Variants in IQCF1 observed in about 807,000 individuals in gnomAD.
IQCF1 encodes IQ domain-containing protein F1.
In IQCF1, 9 loss-of-function variants were observed where a neutral mutation model predicts 12.5. The ratio of observed to expected loss-of-function variants is 0.72; its 90% CI spans 0.43 to 1.26. IQCF1 has a LOEUF of 1.26. Ranked by LOEUF, IQCF1 falls within the 50% of genes most tolerant of loss-of-function variation. The pLI is 0.00. For missense variants in IQCF1, 252 were observed against 257.4 expected, an observed-to-expected ratio of 0.98 and a Z score of 0.14; for synonymous variants, 67 against 96.2, an observed-to-expected ratio of 0.70 and a Z score of 1.78.
chr3:51,898,772 C>G (rs1699042845), intron 2 of IQCF1, among the ~76,000 whole-genome samples: 1 of 152,190 alleles, frequency 6.6e-6, no homozygotes, highest in Non-Finnish European at 1.5e-5. Context: ...ATACAAAGGT[C>G]CAACCAGACC....
intron 2 of IQCF1, among the ~76,000 whole-genome samples, chr3:51,902,110 G>C (rs1699081447): frequency 6.6e-6 from 1 of 152,166 alleles, no homozygotes; most frequent in African/African-American, 2.4e-5. Flanking sequence ...TTCAGTAAAT[G>C]GAAAAGAATT....
At position 51,895,538 on chromosome 3, in the gene IQCF1, A is replaced by G. The variant is rs140052174; in HGVS notation, c.172-202T>C. Among the ~76,000 whole-genome samples the G allele has an allele frequency of 5.1e-4, 77 of 152,272 alleles. No individual in the cohort carries two copies. The highest frequency in any genetic ancestry group is 1.8e-3 in the African/African-American group (74 of 41,566). ...TCCTCTGGTTGATAGCCACAAGCAC[A>G]ACAACTTGCCCCTGGGTCTCAGTGT... is the stretch of plus-strand genomic sequence containing the variant. On this transcript the variant is annotated intron_variant, in intron 3 of 3. Coordinates refer to ENST00000310914, the MANE Select transcript of IQCF1 (RefSeq NM_152397.3). This position sits in a 1 kb window ranked among gnomAD's most constrained non-coding sequence, Gnocchi z 4.8.
Position 51,895,460 on chromosome 3 carries a change from G to T in IQCF1, c.172-124C>A. 2.4e-6 allele frequency: 2 copies of T among 838,042 alleles called. No individual in the cohort carries two copies. Among genetic ancestry groups the T allele is most frequent in the Non-Finnish European group, 3.6e-6 (2 of 548,948 alleles). 51.9% of individuals were successfully genotyped at this position (838,042 alleles called of 1,614,324 possible). On this transcript the variant is annotated intron_variant, in intron 3 of 3. Transcript: ENST00000310914. The surrounding 1 kb of genome is among the most constrained non-coding windows in gnomAD (Gnocchi z 4.8). ...TCTTTTTCTGGAATTCAGGAGCACT[G>T]GGCAGGGCACTGGCTGGAACCAGAA...
Position 51,902,973 on chromosome 3 carries a change from G to T in IQCF1, c.108+12C>A. On this transcript the variant is annotated intron_variant, in intron 2 of 3. Coordinates refer to ENST00000310914, the MANE Select transcript of IQCF1 (RefSeq NM_152397.3). ...ATGGGATCAATGACATCCAAGTCAGGGCTCCTCCTACCTCTGCCTTTGACT... is the reference window on the plus strand; with the variant it reads ...ATGGGATCAATGACATCCAAGTCAGTGCTCCTCCTACCTCTGCCTTTGACT... 6.3e-7 allele frequency: 1 copy of T among 1,595,310 alleles called. No individual in the cohort carries two copies. The highest frequency in any genetic ancestry group is 8.6e-7 in the Non-Finnish European group (1 of 1,162,912).
rs754921110 is a variant in IQCF1, at chr3:51,896,848, T to C, written c.155A>G (p.Asn52Ser). The change falls in exon 3 of 4, where the codon AAT (asparagine) becomes AGT (serine). Residue 52 changes from asparagine to serine, a missense_variant. Transcript: ENST00000310914. ...LVETQTVDNA[N>S]EKSEKPPENQ... is the part of the protein sequence containing the mutation. ...AGGTCATACTTTTTCTGATTTCTCA[T>C]TGGCATTGTCCACTGTCTGTGTCTC... 7 of 1,613,330 alleles carry C rather than the reference T, an allele frequency of 4.3e-6. No individual in the cohort carries two copies. Among genetic ancestry groups the C allele is most frequent in the East Asian group, 4.5e-5 (2 of 44,866 alleles).
Position 51,895,306 on chromosome 3 carries a change from T to C in IQCF1, c.202A>G (p.Lys68Glu), listed in dbSNP as rs370574164. 14 of 1,610,820 alleles carry C rather than the reference T, an allele frequency of 8.7e-6. No individual in the cohort carries two copies. The highest frequency in any genetic ancestry group is 2.5e-6 in the Non-Finnish European group (3 of 1,178,772). ...PPENQKKLSD[K>E]DTVATKIQAW... is the part of the protein sequence containing the mutation. Reference sequence around the variant, plus strand: ...TGGATCTTGGTGGCTACCGTATCTTTGTCAGAGAGCTTCTTTTGGTTTTCT... The same window carrying C: ...TGGATCTTGGTGGCTACCGTATCTTCGTCAGAGAGCTTCTTTTGGTTTTCT... The change falls in exon 4 of 4, where the codon AAA becomes GAA. Residue 68 changes from lysine to glutamate, a missense_variant. By Grantham distance (56) the Lys-to-Glu change is moderately conservative. Transcript: ENST00000310914. This position sits in a 1 kb window ranked among gnomAD's most constrained non-coding sequence, Gnocchi z 4.8.
chr3:51,897,237 C>T (rs562470300), intron 2 of IQCF1, among the ~76,000 whole-genome samples: 1 of 152,236 alleles, frequency 6.6e-6, no homozygotes, highest in Admixed American at 6.5e-5. Flanking sequence ...CTAACCCTAG[C>T]CAATAGGGGA....
At position 51,903,016 on chromosome 3, in the gene IQCF1, T is replaced by G; in HGVS notation, c.77A>C (p.His26Pro). The G allele has an allele frequency of 6.2e-7, 1 of 1,614,062 alleles. No homozygotes were observed. Among genetic ancestry groups the G allele is most frequent in the African/African-American group, 1.3e-5 (1 of 75,010 alleles). ...DEPQQKEMPT[H>P]LSLGAESKAE... ...CTTTGACTCTGCTCCTAAGGACAAA[T>G]GGGTTGGCATCTCCTTCTGCTGAGG... Residue 26 changes from histidine to proline, a missense_variant, in exon 2 of 4, where the codon CAT becomes CCT. By Grantham distance (77) the His-to-Pro change is moderately conservative. Transcript: ENST00000310914.
In IQCF1 at chr3:51,894,937, C is replaced by CTGAGTCCAGCAAGATCTCCAGCTGGAGA; in HGVS notation, c.543_570dup (p.Gly191SerfsTer?). ...ATACACTCTGTCACAATGCAAGGCC[C>CTGAGTCCAGCAAGATCTCCAGCTGGAGA]TGAGTCCAGCAAGATCTCCAGCTGG... On this transcript the variant is annotated frameshift_variant, in exon 4 of 4. Coordinates refer to ENST00000310914, the MANE Select transcript of IQCF1 (RefSeq NM_152397.3). LOFTEE classifies it high-confidence loss of function. 6.2e-7 allele frequency: 1 copy of CTGAGTCCAGCAAGATCTCCAGCTGGAGA among 1,614,202 alleles called. No homozygotes were observed. Among genetic ancestry groups the CTGAGTCCAGCAAGATCTCCAGCTGGAGA allele is most frequent in the Middle Eastern group, 1.6e-4 (1 of 6,062 alleles).
chr3:51,896,693 GCGCACACACACACACACA>G (rs888094846), intron 3 of IQCF1, 121 bp downstream of exon 3: 24 of 653,778 alleles, frequency 3.7e-5, no homozygotes, highest in African/African-American at 2.4e-4. Context: ...TCAAACACGC[GCGCACACACACACACACA>G]CGCACACACA....
chr3:51,897,887 C>T (rs1244928184), intron 2 of IQCF1, among the ~76,000 whole-genome samples: 2 of 152,174 alleles, frequency 1.3e-5, no homozygotes, highest in African/African-American at 2.4e-5. Flanking sequence ...TATACCAGCA[C>T]GCCAACACTA....
chr3:51,898,367 C>G lies in IQCF1; in HGVS notation c.109-1473G>C, dbSNP rs553240275. 2.0e-5 allele frequency among the ~76,000 whole-genome samples: 3 copies of G among 152,114 alleles called. No homozygotes were observed. In the East Asian group the frequency reaches 5.8e-4, roughly 29 times the overall value. On this transcript the variant is annotated intron_variant, in intron 2 of 3. Transcript: ENST00000310914. Reference sequence around the variant, plus strand: ...ATAATTCATAATTGAAGGTCTTCTCCGGGACCCTATAACAGTCCAATACCA... The same window carrying G: ...ATAATTCATAATTGAAGGTCTTCTCGGGGACCCTATAACAGTCCAATACCA...
chr3:51,895,894 G>A lies in IQCF1; in HGVS notation c.172-558C>T, dbSNP rs1559735067. ...ACAAATCATAACTTCTCATCAGATG[G>A]GTTTTATTTAACCCTATATATTGTG... On this transcript the variant is annotated intron_variant, in intron 3 of 3. Coordinates refer to ENST00000310914, the MANE Select transcript of IQCF1 (RefSeq NM_152397.3). This position sits in a 1 kb window ranked among gnomAD's most constrained non-coding sequence, Gnocchi z 4.8. 6.6e-6 allele frequency among the ~76,000 whole-genome samples: 1 copy of A among 152,074 alleles called. No individual in the cohort carries two copies. The highest frequency in any genetic ancestry group is 1.5e-5 in the Non-Finnish European group (1 of 68,018).
At position 51,900,794 on chromosome 3, in the gene IQCF1, C is replaced by G. The variant is rs1699066736; in HGVS notation, c.108+2191G>C. Among the ~76,000 whole-genome samples, 1 of 152,212 alleles carries G rather than the reference C, an allele frequency of 6.6e-6. No homozygotes were observed. Among genetic ancestry groups the G allele is most frequent in the Non-Finnish European group, 1.5e-5 (1 of 68,034 alleles). ...TAACTGTCAGCTAAACCAGTGCAAT[C>G]CTATACAGGTTATTACCTTGAATCC... On this transcript the variant is annotated intron_variant, in intron 2 of 3. Coordinates refer to ENST00000310914, the MANE Select transcript of IQCF1 (RefSeq NM_152397.3). This position sits in a 1 kb window ranked among gnomAD's most constrained non-coding sequence, Gnocchi z 4.2.
Position 51,895,288 on chromosome 3 carries a change from T to A in IQCF1, c.220A>T (p.Lys74Ter). ...KLSDKDTVATKIQAWWRGTLV... is the reference protein window; with the variant it reads ...KLSDKDTVAT ...GTGCCCCGCCACCAGGCCTGGATCT[T>A]GGTGGCTACCGTATCTTTGTCAGAG... is the stretch of plus-strand genomic sequence containing the variant. The change falls in exon 4 of 4, where the codon AAG (lysine) becomes TAG (stop). Residue 74 changes from lysine (K) to a stop codon, truncating the protein, a stop_gained. Transcript: ENST00000310914. LOFTEE classifies it low-confidence loss of function (END_TRUNC). This position sits in a 1 kb window ranked among gnomAD's most constrained non-coding sequence, Gnocchi z 4.8. 6.2e-7 allele frequency: 1 copy of A among 1,614,022 alleles called. No homozygotes were observed. Among genetic ancestry groups the A allele is most frequent in the Non-Finnish European group, 8.5e-7 (1 of 1,179,966 alleles).
At chr3:51,899,972 C>G (rs1046657730) in intron 2 of IQCF1, among the ~76,000 whole-genome samples, 4 of 151,980 alleles carry the variant, frequency 2.6e-5, no homozygotes, top group Non-Finnish European at 5.9e-5. Context: ...AAGAAGGCAC[C>G]AAGGACAATA....
intron 3 of IQCF1, among the ~76,000 whole-genome samples, chr3:51,896,076 A>T (rs1242490450): frequency 6.6e-6 from 1 of 152,200 alleles, no homozygotes; most frequent in African/African-American, 2.4e-5. Context: ...ACATAGCTAG[A>T]TCTTTTTCTT....
chr3:51,895,233 G>A lies in IQCF1; in HGVS notation c.275C>T (p.Ala92Val). The A allele has an allele frequency of 3.7e-6, 6 of 1,614,122 alleles. No individual in the cohort carries two copies. Among genetic ancestry groups the A allele is most frequent in the Non-Finnish European group, 5.1e-6 (6 of 1,179,980 alleles). The change falls in exon 4 of 4, where the codon GCC (alanine) becomes GTC (valine). Residue 92 changes from alanine to valine, a missense_variant. Physicochemically the swap from Ala to Val is moderately conservative, Grantham distance 64 (BLOSUM62 0). Transcript: ENST00000310914. The surrounding 1 kb of genome is among the most constrained non-coding windows in gnomAD (Gnocchi z 4.8). ...GCACTGAATGATGCAGGCACTGAGG[G>A]CTGCGTGCAACAGTGCCCGACGCAC... ...TLVRRALLHA[A>V]LSACIIQCWW...
rs1035144800 is a variant in IQCF1 at position 51,901,460 on chromosome 3, C to T, written c.108+1525G>A. On this transcript the variant is annotated intron_variant, in intron 2 of 3. Coordinates refer to ENST00000310914, the MANE Select transcript of IQCF1 (RefSeq NM_152397.3). ...AGCTTAAGAATTTTCAAGAGCTTAT[C>T]AATCAGTCAGCCCTTGTTCATCCCC... is the stretch of plus-strand genomic sequence containing the variant. Among the ~76,000 whole-genome samples, 8 of 152,346 alleles carry T rather than the reference C, an allele frequency of 5.3e-5. No homozygotes were observed. The South Asian group carries it at 1.7e-3, about 32-fold the overall frequency.
Sources: gnomAD v4.1 joint callset for allele counts (sites outside exome capture counted in the v4.1 genomes callset) on GRCh38, gnomAD v4.1.1 for gene constraint, Gnocchi (gnomAD v3.1) non-coding constraint, MANE v1.5 for transcripts, NCBI Gene and HGNC (gene_info 2026-07-23, HGNC 2026-07-21) for gene names.